The following ACAT2 variants were observed in gnomAD, a reference collection of about 807,000 sequenced individuals.
The protein encoded by ACAT2 is acetyl-CoA acetyltransferase, cytosolic.
ACAT2 carries 26 observed loss-of-function variants against 37.1 expected under a neutral mutation model. That is an observed-to-expected ratio of 0.70 (90% CI 0.51 to 0.97). ACAT2 has a LOEUF of 0.97. Ranked by LOEUF, ACAT2 falls within the 50% of genes least tolerant of loss-of-function variation. The pLI, the probability that ACAT2 is intolerant of heterozygous loss-of-function variation, is 0.00. For synonymous variants in ACAT2, 156 were observed against 163.6 expected, an observed-to-expected ratio of 0.95 and a Z score of 0.35; for missense variants, 468 against 489.0, an observed-to-expected ratio of 0.96 and a Z score of 0.40.
At position 159,771,953 on chromosome 6, in the gene ACAT2, C is replaced by T. The variant is rs190496855; in HGVS notation, c.491-3217C>T. On this transcript the variant is annotated intron_variant, in intron 4 of 8. Coordinates refer to ENST00000367048, the MANE Select transcript of ACAT2 (RefSeq NM_005891.3). ...CAAAAGAATAGCTTCCAGCCGGGCG[C>T]GGTGGCTCACGCCTGTAATCCTAGC... Among the ~76,000 whole-genome samples the T allele has an allele frequency of 2.1e-4, 32 of 152,226 alleles. No homozygotes were observed. In the South Asian group the frequency reaches 4.3e-3, roughly 21 times the overall value.
At chr6:159,767,277 G>A in intron 3 of ACAT2, 91 bp downstream of exon 3, 1 of 1,339,334 alleles carries the variant, frequency 7.5e-7, no homozygotes, top group Non-Finnish European at 1.0e-6. Context: ...GCATAGCAGA[G>A]CTGGAACCAA....
chr6:159,764,884 C>G (rs1035877513), intron 2 of ACAT2, among the ~76,000 whole-genome samples: 4 of 152,116 alleles, frequency 2.6e-5, no homozygotes, highest in Non-Finnish European at 5.9e-5. Context: ...AAATGACTTA[C>G]CAGGGTCACA....
chr6:159,778,866 AACTAAT>A lies in ACAT2; in HGVS notation c.*39_*44del. ...TTTGAACAACCTCAATTTCTTTTTA[AACTAAT>A]AAAGTACTAGGTTGCAATATGTGAA... On this transcript the variant is annotated 3_prime_UTR_variant, in exon 9 of 9. Transcript: ENST00000367048. 1 of 1,613,236 alleles carries A rather than the reference AACTAAT, an allele frequency of 6.2e-7. No homozygotes were observed. The highest frequency in any genetic ancestry group is 8.5e-7 in the Non-Finnish European group (1 of 1,179,344).
intron 6 of ACAT2, among the ~76,000 whole-genome samples, chr6:159,777,069 G>A (rs1253940043): frequency 6.6e-6 from 1 of 152,204 alleles, no homozygotes; most frequent in African/African-American, 2.4e-5. Flanking sequence ...TTACAGGCGT[G>A]AGCCACCACG....
intron 1 of ACAT2, chr6:159,762,461 G>A: frequency 7.5e-7 from 1 of 1,334,250 alleles, no homozygotes; most frequent in South Asian, 1.5e-5. Flanking sequence ...TGATTGGCCG[G>A]CTCCGGGAGG....
chr6:159,767,032 C>A lies in ACAT2; in HGVS notation c.218C>A (p.Ala73Asp). The A allele has an allele frequency of 6.2e-7, 1 of 1,614,018 alleles. No individual in the cohort carries two copies. ...AGCGQNPVRQ[A>D]SVGAGIPYSV... ...TGTGGGCAGAATCCTGTTAGACAAG[C>A]CAGTGTGGGTGCAGGAATTCCCTAC... Residue 73 changes from alanine (A) to aspartate (D), a missense_variant, in exon 3 of 9, where the codon GCC becomes GAC. Ala to Asp is a moderately radical substitution (Grantham distance 126). Transcript: ENST00000367048.
intron 5 of ACAT2, chr6:159,775,857 A>G (rs1251191544): frequency 9.4e-6 from 3 of 319,448 alleles, no homozygotes; most frequent in Non-Finnish European, 1.8e-5. Context: ...GCCAAGTACT[A>G]TGACCCAAAC....
chr6:159,768,541 G>A lies in ACAT2; in HGVS notation c.403G>A (p.Val135Ile), dbSNP rs1463762799. Residue 135 changes from valine to isoleucine, a missense_variant, in exon 4 of 9, where the codon GTA (valine) becomes ATA (isoleucine). Transcript: ENST00000367048. ...APHLAYLRTGVKIGEMPLTDS... is the reference protein window; with the variant it reads ...APHLAYLRTGIKIGEMPLTDS... ...TCACTTGGCTTACTTGAGAACAGGA[G>A]TAAAGATAGGTGAGATGCCACTGAC... The A allele has an allele frequency of 6.2e-7, 1 of 1,613,892 alleles. No individual in the cohort carries two copies. The highest frequency in any genetic ancestry group is 8.5e-7 in the Non-Finnish European group (1 of 1,179,826).
chr6:159,778,397 G>T, intron 8 of ACAT2, 117 bp downstream of exon 8: 1 of 585,456 alleles, frequency 1.7e-6, no homozygotes, highest in South Asian at 2.6e-5. Context: ...CTAGTTACTA[G>T]GACTGAGTTC....
In ACAT2 at chr6:159,762,255, CAAGCCGCGAG is replaced by C. The variant is rs1780155021; in HGVS notation, c.55+114_55+123del. ...CGTATGTGGAGGAAGCCGGTCAGGC[CAAGCCGCGAG>C]GAGCCGCGGGATCCCTGGAACCCTG... On this transcript the variant is annotated intron_variant, in intron 1 of 8. Coordinates refer to ENST00000367048, the MANE Select transcript of ACAT2 (RefSeq NM_005891.3). The C allele has an allele frequency of 3.5e-5, 48 of 1,381,666 alleles. No individual in the cohort carries two copies. In the South Asian group the frequency reaches 6.8e-4, roughly 20 times the overall value. 85.6% of individuals were successfully genotyped at this position (1,381,666 alleles called of 1,614,324 possible). A position where few individuals can be genotyped will look rare whatever the true frequency, so the allele number is the denominator to read the frequency against.
rs202015012 is a variant in ACAT2 at position 159,778,225 on chromosome 6, C to G, written c.968C>G (p.Ala323Gly). 4.9e-5 allele frequency: 79 copies of G among 1,612,510 alleles called. No homozygotes were observed. The East Asian group carries it at 1.4e-3, about 29-fold the overall frequency. Residue 323 changes from alanine to glycine, a missense_variant, in exon 8 of 9, where the codon GCC (alanine) becomes GGC (glycine). Physicochemically the swap from Ala to Gly is moderately conservative, Grantham distance 60. Transcript: ENST00000367048. The stretch of plus-strand genomic sequence containing the variant: ...GTTGACATATTTGAAATCAATGAAG[C>G]CTTTGCAGCTGTCTCTGCTGCAATA... ...EDVDIFEINE[A>G]FAAVSAAIVK... is the part of the protein sequence containing the mutation.
chr6:159,770,993 A>T (rs1292631661), intron 4 of ACAT2, among the ~76,000 whole-genome samples: 1 of 152,196 alleles, frequency 6.6e-6, no homozygotes, highest in East Asian at 1.9e-4. Context: ...TGAACCCAGG[A>T]GGTGGAGGTT....
At chr6:159,765,555 G>A (rs1173831002) in intron 2 of ACAT2, among the ~76,000 whole-genome samples, 1 of 151,632 alleles carries the variant, frequency 6.6e-6, no homozygotes, top group Non-Finnish European at 1.5e-5. Flanking sequence ...TCAACCTCCT[G>A]AGTAGCTGGG....
At chr6:159,778,317 G>A (rs760996877) in intron 8 of ACAT2, 37 bp downstream of exon 8, 1 of 1,413,330 alleles carries the variant, frequency 7.1e-7, no homozygotes, top group South Asian at 1.2e-5. Context: ...GCTTACCAGT[G>A]AATTTCACAA....
chr6:159,763,247 A>G (rs564962834), intron 2 of ACAT2, among the ~76,000 whole-genome samples, 194 bp downstream of exon 2: 1 of 152,128 alleles, frequency 6.6e-6, no homozygotes, highest in Admixed American at 6.5e-5. Context: ...AGTAGCTTCT[A>G]TCCAGCTTGA....
intron 6 of ACAT2, among the ~76,000 whole-genome samples, chr6:159,776,544 T>C (rs11751480): frequency 0.46 from 69,486 of 152,032 alleles, 18,044 homozygotes; most frequent in Non-Finnish European, 0.58. Context: ...ACAAAATTAT[T>C]CTTAAAACAG....
intron 7 of ACAT2, 47 bp downstream of exon 7, chr6:159,777,503 C>T (rs779811256): frequency 6.4e-7 from 1 of 1,564,404 alleles, no homozygotes; most frequent in Non-Finnish European, 8.7e-7. Context: ...TTCCTGTTAG[C>T]CTTAAGTGAG....
intron 2 of ACAT2, among the ~76,000 whole-genome samples, chr6:159,766,528 A>G (rs1780258784): frequency 6.6e-6 from 1 of 151,822 alleles, no homozygotes; most frequent in African/African-American, 2.4e-5. Flanking sequence ...CAGCCTCCCT[A>G]GTAACTAGGA....
chr6:159,777,471 AT>A lies in ACAT2; in HGVS notation c.912+17del. 1.2e-6 allele frequency: 2 copies of A among 1,601,766 alleles called. No individual in the cohort carries two copies. Among genetic ancestry groups the A allele is most frequent in the Non-Finnish European group, 1.7e-6 (2 of 1,175,464 alleles). ...TAAAGCAAGCTGTGAGTATAACCCTATTCCCTTTTATGAAATTTGTCTTCCT... is the reference window on the plus strand; with the variant it reads ...TAAAGCAAGCTGTGAGTATAACCCTATCCCTTTTATGAAATTTGTCTTCCT... On this transcript the variant is annotated intron_variant, in intron 7 of 8. Coordinates refer to ENST00000367048, the MANE Select transcript of ACAT2 (RefSeq NM_005891.3).
Sources: allele counts gnomAD v4.1 joint callset (sites outside exome capture counted in the v4.1 genomes callset), GRCh38; gene constraint gnomAD v4.1.1; transcripts MANE v1.5; gene names NCBI Gene and HGNC (gene_info 2026-07-23, HGNC 2026-07-21).